The following ABCA13 variants were observed in gnomAD, a reference collection of about 807,000 sequenced individuals.
ABCA13 encodes ATP-binding cassette sub-family A member 13.
A neutral mutation model predicts 478.7 loss-of-function variants in ABCA13; 476 were observed. The ratio of observed to expected loss-of-function variants is 0.99; its 90% CI spans 0.92 to 1.07. The LOEUF is 1.07. Among genes scored for constraint, ABCA13 ranks in the 50% least tolerant of loss-of-function variants. ABCA13 has a pLI of 0.00. For synonymous variants in ABCA13, 2,252 were observed against 2,158.9 expected (o/e 1.04, Z -1.20); for missense variants, 6,060 against 5,910.6 (o/e 1.03, Z -0.83).
intron 55 of ABCA13, among the ~76,000 whole-genome samples, chr7:48,550,265 C>CTTTTTTTTTTTTT (rs57540403): frequency 2.0e-5 from 3 of 148,328 alleles, no homozygotes; most frequent in African/African-American, 5.0e-5. Flanking sequence ...CTCTATTTTT[C>CTTTTTTTTTTTTT]TTTTTTTTGG....
chr7:48,330,631 A>G (rs1175864690), intron 27 of ABCA13, among the ~76,000 whole-genome samples: 1 of 151,448 alleles, frequency 6.6e-6, no homozygotes, highest in African/African-American at 2.4e-5. Flanking sequence ...CCATTCATCT[A>G]TCTGTCCATC....
intron 42 of ABCA13, among the ~76,000 whole-genome samples, chr7:48,449,600 G>GT (rs895019111): frequency 5.3e-5 from 8 of 152,190 alleles, no homozygotes; most frequent in African/African-American, 1.9e-4. Flanking sequence ...TACAAAGTTA[G>GT]TACCCATCTT....
intron 41 of ABCA13, among the ~76,000 whole-genome samples, chr7:48,420,276 T>G (rs1820571370): frequency 6.6e-6 from 1 of 152,202 alleles, no homozygotes; most frequent in African/African-American, 2.4e-5. Flanking sequence ...AAATTAAGAT[T>G]TAAAATGAAA....
At chr7:48,609,845 A>C (rs1220091129) in intron 58 of ABCA13, among the ~76,000 whole-genome samples, 2 of 152,234 alleles carry the variant, frequency 1.3e-5, no homozygotes, top group Non-Finnish European at 2.9e-5. Context: ...CTCACTCACT[A>C]TCACAAGAAT....
At chr7:48,426,803 C>T (rs1821485134) in intron 41 of ABCA13, among the ~76,000 whole-genome samples, 1 of 152,214 alleles carries the variant, frequency 6.6e-6, no homozygotes. Context: ...AGAAGACTTA[C>T]TGCATGCTTC....
intron 58 of ABCA13, among the ~76,000 whole-genome samples, chr7:48,595,878 A>G (rs140256702): frequency 1.3e-5 from 2 of 152,338 alleles, no homozygotes; most frequent in East Asian, 3.9e-4. Flanking sequence ...CAAGACACGT[A>G]GGAACACAAG....
chr7:48,601,173 CCTT>C (rs1427457401), intron 58 of ABCA13, among the ~76,000 whole-genome samples: 1 of 151,904 alleles, frequency 6.6e-6, no homozygotes, highest in Admixed American at 6.6e-5. Flanking sequence ...ATTTTTATCC[CCTT>C]CTTCAGAATC....
rs1316794748 is a variant in ABCA13 at position 48,244,702 on chromosome 7, A to T, written c.1389A>T (p.Gln463His). 1 of 1,590,010 alleles carries T rather than the reference A, an allele frequency of 6.3e-7. No individual in the cohort carries two copies. The highest frequency in any genetic ancestry group is 8.6e-7 in the Non-Finnish European group (1 of 1,165,948). ...TAGCTCAGAATTTACATTTTGTCCA[A>T]GGTAAGCTAGCTTTGGTGTTATTTG... Reference protein sequence around the residue: ...NAIAQNLHFVQEVLICLETSA... With the variant: ...NAIAQNLHFVHEVLICLETSA... The change falls in exon 11 of 62, where the codon CAA (glutamine) becomes CAT (histidine). Residue 463 changes from glutamine (Q) to histidine (H), a missense_variant and splice_region_variant. By Grantham distance (24) the Gln-to-His change is conservative. This residue lies in a region of ABCA13 where 4,423 missense variants were observed against 4,309.1 expected (regional missense o/e 1.03). Transcript: ENST00000435803.
rs149318356 is a variant in ABCA13 at position 48,599,783 on chromosome 7, C to T, written c.14744+4970C>T. Among the ~76,000 whole-genome samples the T allele has an allele frequency of 5.3e-3, 809 of 152,246 alleles. 3 individuals are homozygous for T. Among genetic ancestry groups the T allele is most frequent in the Non-Finnish European group, 8.5e-3 (579 of 68,010 alleles). On this transcript the variant is annotated intron_variant, in intron 58 of 61. Coordinates refer to ENST00000435803, the MANE Select transcript of ABCA13 (RefSeq NM_152701.5). ...TTATTTGTTCCTCTCCCCCATCCCC[C>T]ACAAAATGGTGGCAGGCTGGATTTA...
intron 42 of ABCA13, 115 bp from the exon 43 acceptor site, chr7:48,454,922 C>G: frequency 1.5e-6 from 2 of 1,364,574 alleles, no homozygotes; most frequent in Non-Finnish European, 1.9e-6. Context: ...GGTGGGCCTG[C>G]GTCGCATTCC....
intron 43 of ABCA13, among the ~76,000 whole-genome samples, chr7:48,455,574 C>T (rs1825576461): frequency 6.6e-6 from 1 of 152,184 alleles, no homozygotes; most frequent in South Asian, 2.1e-4. Flanking sequence ...AGCTGTCACC[C>T]GCCGACCTGC....
chr7:48,416,955 A>G (rs1050671578), intron 41 of ABCA13, among the ~76,000 whole-genome samples: 7 of 150,866 alleles, frequency 4.6e-5, no homozygotes, highest in African/African-American at 9.8e-5. Context: ...TTTTTTTTTA[A>G]ACAGGAGTTA....
intron 1 of ABCA13, among the ~76,000 whole-genome samples, chr7:48,178,750 C>G (rs1795234642): frequency 6.6e-6 from 1 of 151,190 alleles, no homozygotes; most frequent in Admixed American, 6.6e-5. Context: ...ATCCAGTCTT[C>G]TAAAGGTATG....
At chr7:48,470,773 A>G (rs1001878820) in intron 44 of ABCA13, among the ~76,000 whole-genome samples, 35 of 152,104 alleles carry the variant, frequency 2.3e-4, no homozygotes, top group African/African-American at 7.5e-4. Flanking sequence ...CAGCTGCTTC[A>G]CCTCTCTGGA....
chr7:48,552,582 A>G (rs1049421574), intron 55 of ABCA13, among the ~76,000 whole-genome samples: 1 of 144,196 alleles, frequency 6.9e-6, no homozygotes. Flanking sequence ...ATTGTTCCTC[A>G]CCTTTGTTGC....
At chr7:48,535,857 C>T (rs183147180) in intron 55 of ABCA13, among the ~76,000 whole-genome samples, 1 of 152,280 alleles carries the variant, frequency 6.6e-6, no homozygotes, top group East Asian at 1.9e-4. Context: ...GGTCTCACTC[C>T]CACCGTGGCC....
chr7:48,504,292 T>C (rs1427450981), intron 48 of ABCA13, among the ~76,000 whole-genome samples: 3 of 152,170 alleles, frequency 2.0e-5, no homozygotes, highest in Non-Finnish European at 4.4e-5. Flanking sequence ...TCTATATTTT[T>C]CTATTTCTTT....
At chr7:48,219,531 C>G (rs746389992) in intron 4 of ABCA13, 26 bp downstream of exon 4, 2 of 1,593,256 alleles carry the variant, frequency 1.3e-6, no homozygotes, top group Non-Finnish European at 1.7e-6. Flanking sequence ...ATAACTGTGA[C>G]ACTACCTACC....
At chr7:48,271,421 A>G (rs1348481816) in intron 16 of ABCA13, among the ~76,000 whole-genome samples, 1 of 152,196 alleles carries the variant, frequency 6.6e-6, no homozygotes, top group Non-Finnish European at 1.5e-5. Context: ...GCACTCCACT[A>G]TCTGTGCTAC....
Sources: gnomAD v4.1 joint callset for allele counts (sites outside exome capture counted in the v4.1 genomes callset) on GRCh38, gnomAD v4.1.1 for gene constraint, gnomAD v4.1.1 regional missense constraint, MANE v1.5 for transcripts, NCBI Gene and HGNC (gene_info 2026-07-23, HGNC 2026-07-21) for gene names.